Variants in ECD observed in about 807,000 individuals in gnomAD.
The protein encoded by ECD is protein ecdysoneless homolog.
Under a neutral mutation model 77.2 loss-of-function variants are expected in ECD, and 59 were observed. That is an observed-to-expected ratio of 0.76 (90% CI 0.62 to 0.95). The LOEUF (loss-of-function observed/expected upper bound fraction) is 0.95, where lower values mean the gene tolerates loss of function less well. Among genes scored for constraint, ECD ranks in the 40% least tolerant of loss-of-function variants. ECD has a pLI of 0.00. For missense variants in ECD, 704 were observed against 763.4 expected (o/e 0.92, Z 0.92); for synonymous variants, 233 against 267.4 (o/e 0.87, Z 1.26).
intron 5 of ECD, among the ~76,000 whole-genome samples, chr10:73,155,733 G>A (rs1274721793): frequency 6.6e-6 from 1 of 151,292 alleles, no homozygotes; most frequent in African/African-American, 2.4e-5. Context: ...CAAAGTAGCT[G>A]AGATTACAGG....
intron 1 of ECD, among the ~76,000 whole-genome samples, chr10:73,164,300 C>T (rs549409218): frequency 2.0e-5 from 3 of 150,360 alleles, no homozygotes; most frequent in East Asian, 2.0e-4. Flanking sequence ...TGCAATGAGC[C>T]GAGATCATGC....
intron 5 of ECD, among the ~76,000 whole-genome samples, chr10:73,154,705 C>T (rs574304543): frequency 5.3e-5 from 8 of 152,060 alleles, no homozygotes; most frequent in Admixed American, 3.9e-4. Flanking sequence ...GAGGCTGAGG[C>T]GGGTGGATCA....
intron 1 of ECD, among the ~76,000 whole-genome samples, chr10:73,164,504 G>C (rs1467481943): frequency 6.6e-6 from 1 of 151,542 alleles, no homozygotes; most frequent in East Asian, 1.9e-4. Flanking sequence ...TTTCACTCTT[G>C]TTGCCCAGGC....
chr10:73,148,189 A>C, intron 8 of ECD, 87 bp downstream of exon 8: 1 of 1,487,642 alleles, frequency 6.7e-7, no homozygotes, highest in Non-Finnish European at 9.0e-7. Context: ...TATGTCATAC[A>C]TTTAAATATG....
At chr10:73,138,191 A>T (rs375895751) in intron 11 of ECD, 121 bp from the exon 12 acceptor site, 1 of 685,526 alleles carries the variant, frequency 1.5e-6, no homozygotes, top group African/African-American at 1.9e-5. Flanking sequence ...AGGCACAGCA[A>T]GAAAAGTTGT....
intron 5 of ECD, 61 bp downstream of exon 5, chr10:73,156,214 G>A: frequency 2.8e-6 from 4 of 1,447,098 alleles, no homozygotes; most frequent in Non-Finnish European, 3.7e-6. Flanking sequence ...ATCAAAGAAA[G>A]ACTGAACTAC....
chr10:73,165,173 CA>C (rs1843437308), intron 1 of ECD, among the ~76,000 whole-genome samples: 2 of 152,108 alleles, frequency 1.3e-5, no homozygotes, highest in South Asian at 4.1e-4. Flanking sequence ...CTCTAAAGTA[CA>C]ATCTGTCTTG....
rs146382837 is a variant in ECD, at chr10:73,157,420, T to G, written c.324-765A>C. On this transcript the variant is annotated intron_variant, in intron 3 of 13. Coordinates refer to ENST00000372979, the MANE Select transcript of ECD (RefSeq NM_007265.3). ...CACATGGTTACATTTTTTAAAAAAA[T>G]GTATTAAAAGTTACATGGCCAGGTG... 6.4e-4 allele frequency among the ~76,000 whole-genome samples: 97 copies of G among 151,906 alleles called. 1 individual carries two copies. The highest frequency in any genetic ancestry group is 3.1e-3 in the East Asian group (16 of 5,136).
At chr10:73,155,602 T>C (rs1416263114) in intron 5 of ECD, among the ~76,000 whole-genome samples, 1 of 147,962 alleles carries the variant, frequency 6.8e-6, no homozygotes, top group African/African-American at 2.5e-5. Flanking sequence ...TACTTTTTTT[T>C]TTTTTTTTTT....
At chr10:73,154,554 C>T (rs1008666364) in intron 5 of ECD, 106 bp from the exon 6 acceptor site, 17 of 1,053,088 alleles carry the variant, frequency 1.6e-5, no homozygotes, top group African/African-American at 3.2e-5. Flanking sequence ...AAGAGCAGTA[C>T]GTAGAGAGTG....
intron 9 of ECD, 122 bp downstream of exon 9, chr10:73,146,154 G>C (rs536891444): frequency 2.7e-6 from 1 of 365,208 alleles, no homozygotes; most frequent in African/African-American, 2.2e-5. Context: ...TGCCAGCCTG[G>C]GTGACAGAGT....
At position 73,160,473 on chromosome 10, in the gene ECD, A is replaced by G. The variant is rs771829736; in HGVS notation, c.284T>C (p.Ile95Thr). ...TGGAAATTCCTTTGTGATCTGCTTT[A>G]TTACATAAACAATAAACCATTCATC... is the stretch of plus-strand genomic sequence containing the variant. ...IEDEWFIVYVIKQITKEFPEL... is the reference protein window; with the variant it reads ...IEDEWFIVYVTKQITKEFPEL... Residue 95 changes from isoleucine (I) to threonine (T), a missense_variant, in exon 3 of 14, where the codon ATA becomes ACA. By Grantham distance (89) the Ile-to-Thr change is moderately conservative (BLOSUM62 -1). Transcript: ENST00000372979. The G allele has an allele frequency of 7.5e-6, 12 of 1,610,524 alleles. No individual in the cohort carries two copies. The South Asian group carries it at 1.3e-4, about 18-fold the overall frequency.
rs763444143 is a variant in ECD at position 73,148,382 on chromosome 10, CA to C, written c.934del (p.Cys312AlafsTer16). On this transcript the variant is annotated frameshift_variant, in exon 8 of 14. Coordinates refer to ENST00000372979, the MANE Select transcript of ECD (RefSeq NM_007265.3). LOFTEE classifies it high-confidence loss of function. ...AGAAAAATGTGGGCTACATTTGGAG[CA>C]TAAGATCTCAAATCCATGAGCCTAG... ...MKLAHGFEIL[C>X]SKCSPHFSDC... 2 of 1,613,796 alleles carry C rather than the reference CA, an allele frequency of 1.2e-6. No individual in the cohort carries two copies. Among genetic ancestry groups the C allele is most frequent in the South Asian group, 2.2e-5 (2 of 91,050 alleles).
rs149473721 is a variant in ECD, at chr10:73,156,284, C to T, written c.581G>A (p.Arg194His). The change falls in exon 5 of 14, where the codon CGC becomes CAC. Residue 194 changes from arginine to histidine, a missense_variant. Arg to His is a conservative substitution (Grantham distance 29, BLOSUM62 0). This residue lies in a region of ECD where 559 missense variants were observed against 583.7 expected (regional missense o/e 0.96). Coordinates refer to ENST00000372979, the MANE Select transcript of ECD (RefSeq NM_007265.3). ...GTGATATTTTTCTTACCCTCTGATGCGCCTATTCACAGCAGCTCGTATAGA... is the reference window on the plus strand; with the variant it reads ...GTGATATTTTTCTTACCCTCTGATGTGCCTATTCACAGCAGCTCGTATAGA... ...SESIRAAVNR[R>H]IRGYPEKIQA... is the part of the protein sequence containing the mutation. 5.2e-5 allele frequency: 83 copies of T among 1,587,162 alleles called. No homozygotes were observed. The highest frequency in any genetic ancestry group is 2.6e-4 in the South Asian group (22 of 85,782).
chr10:73,147,247 CAAT>C (rs10560971), intron 8 of ECD, among the ~76,000 whole-genome samples: 15,909 of 151,968 alleles, frequency 0.1, 1,209 homozygotes, highest in East Asian at 0.3. Context: ...TATACAACAA[CAAT>C]AACAACAACA....
intron 8 of ECD, among the ~76,000 whole-genome samples, chr10:73,148,013 A>G (rs1843150671): frequency 6.6e-6 from 1 of 152,066 alleles, no homozygotes; most frequent in Non-Finnish European, 1.5e-5. Context: ...TTGCATTATC[A>G]AGTTTTTGCA....
chr10:73,142,331 A>G (rs1040662954), intron 9 of ECD, among the ~76,000 whole-genome samples: 7 of 151,944 alleles, frequency 4.6e-5, no homozygotes, highest in African/African-American at 9.7e-5. Context: ...TTTAATTGAC[A>G]AAAAAGTGTA....
At chr10:73,145,362 T>C (rs558567687) in intron 9 of ECD, among the ~76,000 whole-genome samples, 1 of 151,236 alleles carries the variant, frequency 6.6e-6, no homozygotes, top group South Asian at 2.1e-4. Flanking sequence ...TAAATAATAA[T>C]AACAATAAAT....
intron 2 of ECD, among the ~76,000 whole-genome samples, chr10:73,162,869 A>G (rs719308): frequency 0.16 from 23,982 of 152,216 alleles, 3,156 homozygotes; most frequent in African/African-American, 0.34. Flanking sequence ...CAAAGCCATC[A>G]TGCCTAGCAG....
Sources: allele counts gnomAD v4.1 joint callset (sites outside exome capture counted in the v4.1 genomes callset), GRCh38; gene constraint gnomAD v4.1.1; regional missense constraint gnomAD v4.1.1; transcripts MANE v1.5; gene names NCBI Gene and HGNC (gene_info 2026-07-23, HGNC 2026-07-21).